The following TOM1 variants were observed in gnomAD, a reference collection of about 807,000 sequenced individuals.
The protein encoded by TOM1 is target of myb1 membrane trafficking protein, also known as target of Myb protein 1.
Under a neutral mutation model 61.3 loss-of-function variants are expected in TOM1, and 38 were observed. The observed-to-expected ratio is 0.62, with a 90% CI of 0.48 to 0.81. The LOEUF (loss-of-function observed/expected upper bound fraction) is 0.81. Among genes scored for constraint, TOM1 ranks in the 40% least tolerant of loss-of-function variants. The probability of loss-of-function intolerance (pLI) is 0.00; values close to 1 mark genes in which losing one functional copy is unlikely to be tolerated. For synonymous variants in TOM1, 270 were observed against 268.8 expected (o/e 1.00, Z -0.04); for missense variants, 591 against 659.6 (o/e 0.90, Z 1.14).
chr22:35,345,816 C>G (rs1019224450), intron 13 of TOM1, 32 bp downstream of exon 13: 3 of 1,609,066 alleles, frequency 1.9e-6, no homozygotes, highest in Admixed American at 1.7e-5. Context: ...ACCCACACAG[C>G]AGGAGGACCC....
At position 35,322,253 on chromosome 22, in the gene TOM1, GA is replaced by G; in HGVS notation, c.216+217del. On this transcript the variant is annotated intron_variant, in intron 3 of 14. Transcript: ENST00000449058. ...TCCCCAATCCCCCAGCATGGGAACA[GA>G]CGCTTACATCACTCCAGAACCACTG... is the stretch of plus-strand genomic sequence containing the variant. The G allele has an allele frequency of 5.3e-6, 3 of 565,082 alleles. No individual in the cohort carries two copies. The South Asian group carries it at 6.2e-5, about 12-fold the overall frequency. The allele number at this position is 565,082 out of a possible 1,614,324, so 35.0% of individuals were successfully genotyped here.
At chr22:35,322,985 C>G (rs760661822) in intron 3 of TOM1, 43 bp from the exon 4 acceptor site, 1 of 1,606,026 alleles carries the variant, frequency 6.2e-7, no homozygotes, top group African/African-American at 1.3e-5. Context: ...AGCACCTCCT[C>G]TCCTCTGACC....
intron 6 of TOM1, among the ~76,000 whole-genome samples, chr22:35,326,350 C>T (rs1490470954): frequency 6.6e-6 from 1 of 152,222 alleles, no homozygotes; most frequent in Non-Finnish European, 1.5e-5. Flanking sequence ...AAACACCCTA[C>T]AAGGTCCCAC....
At chr22:35,343,064 TAC>T (rs1482628929) in intron 12 of TOM1, among the ~76,000 whole-genome samples, 1 of 89,566 alleles carries the variant, frequency 1.1e-5, no homozygotes, top group Non-Finnish European at 2.1e-5. Flanking sequence ...CTCATACACC[TAC>T]ACACAGCCCT....
chr22:35,343,253 ACCT>A (rs1325892877), intron 12 of TOM1, among the ~76,000 whole-genome samples: 5 of 5,794 alleles, frequency 8.6e-4, no homozygotes, highest in Non-Finnish European at 1.1e-3. Context: ...CACCACACAC[ACCT>A]CCACACACCT....
intron 6 of TOM1, among the ~76,000 whole-genome samples, chr22:35,327,069 A>G (rs923100541): frequency 7.2e-5 from 11 of 151,944 alleles, no homozygotes; most frequent in Non-Finnish European, 8.8e-5. Flanking sequence ...CGCCTCTGTG[A>G]GGGGTCTGTA....
At chr22:35,339,192 G>C (rs745422726) in intron 12 of TOM1, among the ~76,000 whole-genome samples, 2 of 152,168 alleles carry the variant, frequency 1.3e-5, no homozygotes, top group African/African-American at 4.8e-5. Flanking sequence ...TTAGCTGGGC[G>C]TGGTGGCACA....
chr22:35,341,481 TCTCC>T (rs1303389260), intron 12 of TOM1, among the ~76,000 whole-genome samples: 22 of 152,076 alleles, frequency 1.4e-4, no homozygotes, highest in Non-Finnish European at 1.2e-4. Context: ...GAGGTGTGTG[TCTCC>T]CTCCTCAGCC....
chr22:35,334,071 GAATC>G (rs1210821216), intron 10 of TOM1, among the ~76,000 whole-genome samples: 1 of 152,160 alleles, frequency 6.6e-6, no homozygotes, highest in East Asian at 1.9e-4. Flanking sequence ...TTCCCCAGCA[GAATC>G]AATGGATAGC....
At chr22:35,308,440 C>T (rs920260582) in intron 1 of TOM1, among the ~76,000 whole-genome samples, 2 of 152,044 alleles carry the variant, frequency 1.3e-5, no homozygotes, top group African/African-American at 4.8e-5. Flanking sequence ...CGTGCCACCA[C>T]ACCTGGCTAA....
chr22:35,330,569 G>A, intron 8 of TOM1, 89 bp downstream of exon 8: 1 of 1,320,870 alleles, frequency 7.6e-7, no homozygotes, highest in South Asian at 1.4e-5. Flanking sequence ...CATGCCATCT[G>A]AGCCTTCTCT....
At chr22:35,318,322 G>T (rs962555599) in intron 2 of TOM1, 3 of 336,490 alleles carry the variant, frequency 8.9e-6, no homozygotes, top group Non-Finnish European at 1.7e-5. Context: ...GCAGGCGGGA[G>T]TGTGTACTAG....
rs117905007 is a variant in TOM1, at chr22:35,330,828, C to T, written c.899+348C>T. Among the ~76,000 whole-genome samples the T allele has an allele frequency of 6.0e-3, 921 of 152,340 alleles. 5 individuals carry two copies. The highest frequency in any genetic ancestry group is 9.4e-3 in the Non-Finnish European group (640 of 68,032). Reference sequence around the variant, plus strand: ...CACTTCCTGGTTCTGGGGCCTTAGACAAGTGACTTCACTGCTGCAAGCTAC... The same window carrying T: ...CACTTCCTGGTTCTGGGGCCTTAGATAAGTGACTTCACTGCTGCAAGCTAC... On this transcript the variant is annotated intron_variant, in intron 8 of 14. Transcript: ENST00000449058.
chr22:35,300,532 C>G (rs1418370247), intron 1 of TOM1, among the ~76,000 whole-genome samples: 1 of 152,246 alleles, frequency 6.6e-6, no homozygotes, highest in Admixed American at 6.5e-5. Flanking sequence ...CAGGACGTGT[C>G]CGCCTGGGCT....
At chr22:35,300,082 A>C in intron 1 of TOM1, 102 bp downstream of exon 1, 1 of 1,370,512 alleles carries the variant, frequency 7.3e-7, no homozygotes, top group Non-Finnish European at 1.0e-6. Flanking sequence ...CAGGGAGGGC[A>C]AGGAGGCTGG....
intron 9 of TOM1, 33 bp from the exon 10 acceptor site, chr22:35,333,371 C>G (rs549278938): frequency 6.3e-7 from 1 of 1,593,608 alleles, no homozygotes; most frequent in South Asian, 1.1e-5. Context: ...CTGCAGACAG[C>G]GGGGATGATC....
chr22:35,317,973 C>T lies in TOM1; in HGVS notation c.137+12C>T, dbSNP rs200266300. 30 of 1,611,776 alleles carry T rather than the reference C, an allele frequency of 1.9e-5. No homozygotes were observed. The highest frequency in any genetic ancestry group is 2.4e-5 in the Non-Finnish European group (28 of 1,177,968). On this transcript the variant is annotated intron_variant, in intron 2 of 14. Coordinates refer to ENST00000449058, the MANE Select transcript of TOM1 (RefSeq NM_005488.3). Reference sequence around the variant, plus strand: ...GAGACGGAGGAAGGGTAAGGGCCCCCCAAGGAGAGGTTGGGGGCAGAGACG... The same window carrying T: ...GAGACGGAGGAAGGGTAAGGGCCCCTCAAGGAGAGGTTGGGGGCAGAGACG...
At chr22:35,343,780 C>T (rs943818465) in intron 12 of TOM1, among the ~76,000 whole-genome samples, 15 of 150,624 alleles carry the variant, frequency 1.0e-4, no homozygotes, top group Admixed American at 4.6e-4. Context: ...CACACCTACA[C>T]ACACCACACA....
chr22:35,328,666 C>A (rs138785), intron 7 of TOM1, among the ~76,000 whole-genome samples: 80,695 of 152,120 alleles, frequency 0.53, 22,845 homozygotes, highest in Non-Finnish European at 0.64. Flanking sequence ...AGGCACCCGC[C>A]CTGTCCCCGT....
Sources: allele counts gnomAD v4.1 joint callset (sites outside exome capture counted in the v4.1 genomes callset), GRCh38; gene constraint gnomAD v4.1.1; transcripts MANE v1.5; gene names NCBI Gene and HGNC (gene_info 2026-07-23, HGNC 2026-07-21).